The following RAI14 variants were observed in gnomAD, a reference collection of about 807,000 sequenced individuals.
The protein encoded by RAI14 is retinoic acid induced 14.
A neutral mutation model predicts 115.4 loss-of-function variants in RAI14; 45 were observed. That is an observed-to-expected ratio of 0.39 (90% CI 0.31 to 0.50). The LOEUF (loss-of-function observed/expected upper bound fraction) is 0.50, where lower values mean the gene tolerates loss of function less well. Among genes scored for constraint, RAI14 ranks in the 20% least tolerant of loss-of-function variants. RAI14 has a pLI of 0.85. For missense variants in RAI14, 939 were observed against 1,131.2 expected (o/e 0.83, Z 2.44); for synonymous variants, 371 against 415.4 (o/e 0.89, Z 1.30).
intron 2 of RAI14, among the ~76,000 whole-genome samples, chr5:34,753,610 T>G (rs1017502147): frequency 6.6e-6 from 1 of 151,940 alleles, no homozygotes; most frequent in Non-Finnish European, 1.5e-5. Context: ...TGAAACCCCA[T>G]CTCTACTGAA....
chr5:34,789,014 A>G (rs1752630693), intron 3 of RAI14, among the ~76,000 whole-genome samples: 1 of 152,192 alleles, frequency 6.6e-6, no homozygotes, highest in South Asian at 2.1e-4. Flanking sequence ...AAGTTTTATC[A>G]ACTTACTGCC....
intron 4 of RAI14, among the ~76,000 whole-genome samples, chr5:34,800,654 A>G (rs1269464845): frequency 6.6e-6 from 1 of 152,196 alleles, no homozygotes; most frequent in Non-Finnish European, 1.5e-5. Flanking sequence ...CTCGTTAGAA[A>G]AACATCACAG....
At position 34,830,808 on chromosome 5, in the gene RAI14, T is replaced by A; in HGVS notation, c.*43T>A. The A allele has an allele frequency of 3.1e-6, 5 of 1,612,376 alleles. No individual in the cohort carries two copies. The highest frequency in any genetic ancestry group is 4.2e-6 in the Non-Finnish European group (5 of 1,179,040). On this transcript the variant is annotated 3_prime_UTR_variant, in exon 18 of 18. Coordinates refer to ENST00000265109, the MANE Select transcript of RAI14 (RefSeq NM_015577.3). ...GACACTGCCCCTTGTCATCTGTCTT[T>A]GTGTTAGATCCAGAGTTGTCGGCAG...
intron 5 of RAI14, 57 bp downstream of exon 5, chr5:34,803,833 T>C: frequency 6.7e-7 from 1 of 1,491,968 alleles, no homozygotes; most frequent in African/African-American, 1.4e-5. Flanking sequence ...TTGAAAGTAA[T>C]CATATTTGTG....
intron 2 of RAI14, among the ~76,000 whole-genome samples, chr5:34,702,164 C>T (rs751579291): frequency 2.6e-4 from 40 of 152,182 alleles, no homozygotes; most frequent in Non-Finnish European, 4.9e-4. Context: ...TCAGTTCTTA[C>T]ACATTTGTGA....
intron 3 of RAI14, among the ~76,000 whole-genome samples, chr5:34,760,779 T>C (rs1037829698): frequency 6.6e-6 from 1 of 152,236 alleles, no homozygotes; most frequent in East Asian, 1.9e-4. Flanking sequence ...TTTTAAAGTA[T>C]ACAATGTAGA....
At chr5:34,713,329 G>A (rs1385273302) in intron 2 of RAI14, among the ~76,000 whole-genome samples, 1 of 152,060 alleles carries the variant, frequency 6.6e-6, no homozygotes, top group Non-Finnish European at 1.5e-5. Flanking sequence ...AGGGGAAGGA[G>A]AGACTCACTA....
intron 3 of RAI14, among the ~76,000 whole-genome samples, chr5:34,780,208 A>G (rs991159922): frequency 2.6e-5 from 4 of 152,340 alleles, no homozygotes; most frequent in Middle Eastern, 3.4e-3. Context: ...CTTACACCCT[A>G]TACAAAAATT....
At chr5:34,752,363 T>C (rs1461103687) in intron 2 of RAI14, among the ~76,000 whole-genome samples, 1 of 151,954 alleles carries the variant, frequency 6.6e-6, no homozygotes, top group Non-Finnish European at 1.5e-5. Context: ...CTGAGCACCA[T>C]GGGGGTAAGA....
At chr5:34,745,528 C>T (rs1049644258) in intron 2 of RAI14, among the ~76,000 whole-genome samples, 1 of 152,182 alleles carries the variant, frequency 6.6e-6, no homozygotes, top group Non-Finnish European at 1.5e-5. Context: ...TTGTCCTTAC[C>T]TGTCCCCAAT....
rs1757251455 is a variant in RAI14 at position 34,824,607 on chromosome 5, C to G, written c.2649+116C>G. On this transcript the variant is annotated intron_variant, in intron 15 of 17. Transcript: ENST00000265109. The stretch of plus-strand genomic sequence containing the variant: ...AAACTGGAGTGAATGCTCAGAGGCT[C>G]TGCACATGAACTTTATCTGTCACCA... 4 of 843,628 alleles carry G rather than the reference C, an allele frequency of 4.7e-6. No individual in the cohort carries two copies. In the East Asian group the frequency reaches 1.1e-4, roughly 23 times the overall value. The allele number at this position is 843,628 out of a possible 1,614,324, so 52.3% of individuals were successfully genotyped here.
intron 2 of RAI14, among the ~76,000 whole-genome samples, chr5:34,736,127 G>A (rs573663761): frequency 2.7e-5 from 4 of 148,436 alleles, no homozygotes; most frequent in East Asian, 3.9e-4. Context: ...TCAGCTGGGC[G>A]CGGTGACTCA....
At chr5:34,780,081 C>G (rs1171743735) in intron 3 of RAI14, among the ~76,000 whole-genome samples, 1 of 152,098 alleles carries the variant, frequency 6.6e-6, no homozygotes. Context: ...CATCTACAAC[C>G]ATCTGATCTT....
Position 34,818,929 on chromosome 5 carries a change from A to C in RAI14, c.994+78A>C, listed in dbSNP as rs561257060. 326 of 1,320,848 alleles carry C rather than the reference A, an allele frequency of 2.5e-4. No individual in the cohort carries two copies. In the African/African-American group the frequency reaches 4.5e-3, roughly 18 times the overall value. The allele number at this position is 1,320,848 out of a possible 1,614,324, so 81.8% of individuals were successfully genotyped here. A position where few individuals can be genotyped will look rare whatever the true frequency, so the allele number is the denominator to read the frequency against. Reference sequence around the variant, plus strand: ...GTCCATTTAAAGAGAGCAAAGGCCAAGCTGGGGTACTGTGTAAAAATGTCA... The same window carrying C: ...GTCCATTTAAAGAGAGCAAAGGCCACGCTGGGGTACTGTGTAAAAATGTCA... On this transcript the variant is annotated intron_variant, in intron 13 of 17. Transcript: ENST00000265109.
At chr5:34,673,972 G>T (rs573444773) in intron 1 of RAI14, among the ~76,000 whole-genome samples, 1 of 152,112 alleles carries the variant, frequency 6.6e-6, no homozygotes, top group Non-Finnish European at 1.5e-5. Flanking sequence ...GGGTGGGGAG[G>T]GTAGGAGGGA....
intron 2 of RAI14, among the ~76,000 whole-genome samples, chr5:34,730,875 C>G (rs146351856): frequency 1.3e-5 from 2 of 151,944 alleles, no homozygotes; most frequent in Non-Finnish European, 2.9e-5. Flanking sequence ...CCCAGCTACT[C>G]TGGAGGCTGA....
intron 1 of RAI14, among the ~76,000 whole-genome samples, chr5:34,659,633 A>G (rs940203473): frequency 1.3e-5 from 2 of 152,198 alleles, no homozygotes; most frequent in Middle Eastern, 3.4e-3. Context: ...TCTTTTTACT[A>G]TAACAGTTTG....
intron 2 of RAI14, among the ~76,000 whole-genome samples, chr5:34,735,883 A>T (rs1006440116): frequency 6.6e-6 from 1 of 152,242 alleles, no homozygotes; most frequent in Non-Finnish European, 1.5e-5. Flanking sequence ...GAGTTAGGAA[A>T]CTTGGCTGTG....
intron 10 of RAI14, 41 bp downstream of exon 10, chr5:34,812,249 T>G: frequency 6.6e-7 from 1 of 1,516,340 alleles, no homozygotes. Context: ...TCATTTATGC[T>G]TGTGGGAATT....
Sources: allele counts gnomAD v4.1 joint callset (sites outside exome capture counted in the v4.1 genomes callset), GRCh38; gene constraint gnomAD v4.1.1; transcripts MANE v1.5; gene names NCBI Gene and HGNC (gene_info 2026-07-23, HGNC 2026-07-21).